Variants in NREP observed in about 807,000 individuals in gnomAD.
The protein encoded by NREP is neuronal regeneration related protein.
A neutral mutation model predicts 8.6 loss-of-function variants in NREP; 5 were observed. The observed-to-expected ratio is 0.58, with a 90% CI of 0.30 to 1.22. The LOEUF (loss-of-function observed/expected upper bound fraction) is 1.22, where lower values mean the gene tolerates loss of function less well. Among genes scored for constraint, NREP ranks in the 50% most tolerant of loss-of-function variants. The pLI is 0.07. For synonymous variants in NREP, 27 were observed against 28.0 expected (o/e 0.96, Z 0.11); for missense variants, 86 against 82.5 (o/e 1.04, Z -0.17).
chr5:111,733,407 A>G (rs1443471002), intron 3 of NREP: 1 of 152,088 alleles, frequency 6.6e-6, no homozygotes, highest in African/African-American at 2.4e-5. Context: ...TCCTGAGGAG[A>G]CAGAGTTCTG....
intron 2 of NREP, among the ~76,000 whole-genome samples, chr5:111,848,066 T>A (rs931957479): frequency 8.5e-5 from 13 of 152,166 alleles, no homozygotes; most frequent in African/African-American, 3.1e-4. Flanking sequence ...TTTGGTCCTA[T>A]CCAAATATCT....
At chr5:111,776,060 G>A (rs773344867) in intron 2 of NREP, among the ~76,000 whole-genome samples, 1 of 152,124 alleles carries the variant, frequency 6.6e-6, no homozygotes, top group Non-Finnish European at 1.5e-5. Context: ...TTTACTGTCA[G>A]TAAGTATGAG....
intron 3 of NREP, 160 bp downstream of exon 3, chr5:111,735,270 T>C: frequency 2.0e-6 from 1 of 503,916 alleles, no homozygotes; most frequent in Non-Finnish European, 3.5e-6. Flanking sequence ...CTTTAGGATA[T>C]TTTTTAAAAG....
chr5:111,864,443 C>G (rs1005983436), intron 2 of NREP, among the ~76,000 whole-genome samples: 3 of 151,872 alleles, frequency 2.0e-5, no homozygotes, highest in African/African-American at 4.8e-5. Flanking sequence ...ATATCACCCC[C>G]CAGAAGGGCA....
At chr5:111,931,046 T>A (rs1042205637) in intron 2 of NREP, among the ~76,000 whole-genome samples, 2 of 152,020 alleles carry the variant, frequency 1.3e-5, no homozygotes, top group Non-Finnish European at 2.9e-5. Context: ...CAGAAAGAAT[T>A]TGGATCTTTG....
At chr5:111,782,746 C>CTTTT (rs144207125) in intron 2 of NREP, among the ~76,000 whole-genome samples, 2 of 144,746 alleles carry the variant, frequency 1.4e-5, no homozygotes, top group Non-Finnish European at 3.0e-5. Context: ...TTTTTTTTTT[C>CTTTT]TTTTTTTTTT....
At chr5:111,750,522 A>AGAT (rs1397886204) in intron 2 of NREP, among the ~76,000 whole-genome samples, 1 of 152,190 alleles carries the variant, frequency 6.6e-6, no homozygotes, top group African/African-American at 2.4e-5. Context: ...TTAGTGATGG[A>AGAT]GATAGCCATA....
chr5:111,888,544 G>C (rs1435585159), intron 2 of NREP, among the ~76,000 whole-genome samples: 1 of 152,174 alleles, frequency 6.6e-6, no homozygotes, highest in Non-Finnish European at 1.5e-5. Context: ...CCTTCACCTA[G>C]TCCCACCTTT....
intron 2 of NREP, among the ~76,000 whole-genome samples, chr5:111,763,621 C>T (rs1350218358): frequency 6.6e-6 from 1 of 152,250 alleles, no homozygotes; most frequent in East Asian, 1.9e-4. Context: ...ATATGAAACA[C>T]ATTTTAAAAT....
At chr5:111,751,542 C>CCAG (rs1750361023) in intron 2 of NREP, among the ~76,000 whole-genome samples, 2 of 152,118 alleles carry the variant, frequency 1.3e-5, no homozygotes, top group Admixed American at 1.3e-4. Context: ...TTATGATTAA[C>CCAG]CTGCTATCCA....
chr5:111,801,028 G>A (rs189725026), intron 2 of NREP, among the ~76,000 whole-genome samples: 53 of 152,286 alleles, frequency 3.5e-4, no homozygotes, highest in Non-Finnish European at 5.1e-4. Flanking sequence ...AGGTAGTTTT[G>A]GAGCAACTCC....
chr5:111,874,877 C>T (rs1753869053), intron 2 of NREP, among the ~76,000 whole-genome samples: 1 of 152,158 alleles, frequency 6.6e-6, no homozygotes, highest in African/African-American at 2.4e-5. Flanking sequence ...AGATCTAACA[C>T]AATGATGTCC....
At chr5:111,901,070 G>A (rs1422487249) in intron 2 of NREP, among the ~76,000 whole-genome samples, 1 of 152,002 alleles carries the variant, frequency 6.6e-6, no homozygotes, top group Non-Finnish European at 1.5e-5. Context: ...ATGATCAAGT[G>A]GAATTTAGCC....
intron 2 of NREP, among the ~76,000 whole-genome samples, chr5:111,852,331 AT>A (rs1306022586): frequency 6.6e-6 from 1 of 152,072 alleles, no homozygotes; most frequent in Non-Finnish European, 1.5e-5. Context: ...GGGCCTCAGA[AT>A]TTATCAGTAT....
chr5:111,791,958 T>C (rs1333158331), intron 2 of NREP, among the ~76,000 whole-genome samples: 1 of 152,196 alleles, frequency 6.6e-6, no homozygotes, highest in East Asian at 1.9e-4. Context: ...TTCAAAGGAT[T>C]GTTATAGGCA....
At position 111,780,562 on chromosome 5, in the gene NREP, T is replaced by C. The variant is rs1026363106; in HGVS notation, c.136-45055A>G. Among the ~76,000 whole-genome samples the C allele has an allele frequency of 4.6e-5, 7 of 152,142 alleles. No individual in the cohort carries two copies. The East Asian group carries it at 1.3e-3, about 29-fold the overall frequency. The stretch of plus-strand genomic sequence containing the variant: ...AACCGACTTGAAGGAGTATTTTTAT[T>C]TGCTAGTATATGTTTGGTGGGGAGT... On this transcript the variant is annotated intron_variant, in intron 2 of 3. Coordinates refer to the NREP transcript ENST00000395634.
intron 2 of NREP, among the ~76,000 whole-genome samples, chr5:111,939,840 A>G (rs1187205198): frequency 6.6e-6 from 1 of 152,068 alleles, no homozygotes; most frequent in Non-Finnish European, 1.5e-5. Flanking sequence ...GCTGTTGGCC[A>G]TGAGTCCAAA....
At chr5:111,889,862 G>A (rs1303060953) in intron 2 of NREP, among the ~76,000 whole-genome samples, 1 of 151,842 alleles carries the variant, frequency 6.6e-6, no homozygotes, top group Admixed American at 6.6e-5. Context: ...GTTAAAGGGG[G>A]TTATTCTCTT....
intron 2 of NREP, among the ~76,000 whole-genome samples, chr5:111,970,746 A>C (rs1756790131): frequency 6.8e-6 from 1 of 146,334 alleles, no homozygotes; most frequent in Admixed American, 7.2e-5. Flanking sequence ...GAATCACTTG[A>C]ACCCAGGAGG....
Sources: gnomAD v4.1 joint callset for allele counts (sites outside exome capture counted in the v4.1 genomes callset) on GRCh38, gnomAD v4.1.1 for gene constraint, MANE v1.5 for transcripts, NCBI Gene and HGNC (gene_info 2026-07-23, HGNC 2026-07-21) for gene names.